Variants in GAS2L3 observed in about 807,000 individuals in gnomAD.
The protein encoded by GAS2L3 is GAS2-like protein 3.
A neutral mutation model predicts 37.0 loss-of-function variants in GAS2L3; 28 were observed. The ratio of observed to expected loss-of-function variants is 0.76; its 90% CI spans 0.56 to 1.04. The LOEUF (loss-of-function observed/expected upper bound fraction) is 1.04. Ranked by LOEUF, GAS2L3 falls within the 50% of genes least tolerant of loss-of-function variation. The pLI, the probability that GAS2L3 is intolerant of heterozygous loss-of-function variation, is 0.00. For synonymous variants in GAS2L3, 290 were observed against 296.6 expected, an observed-to-expected ratio of 0.98 and a Z score of 0.23; for missense variants, 793 against 817.6, an observed-to-expected ratio of 0.97 and a Z score of 0.37.
intron 4 of GAS2L3, among the ~76,000 whole-genome samples, chr12:100,600,795 A>G (rs1955978644): frequency 6.6e-6 from 1 of 152,210 alleles, no homozygotes; most frequent in Non-Finnish European, 1.5e-5. Context: ...TAAGCTTTGA[A>G]TAATGAACAT....
intron 3 of GAS2L3, 72 bp downstream of exon 3, chr12:100,594,994 AT>A (rs773246872): frequency 1.9e-5 from 13 of 676,584 alleles, no homozygotes; most frequent in Non-Finnish European, 3.1e-5. Context: ...ATTAGCAAAG[AT>A]AAAATTATCA....
intron 5 of GAS2L3, among the ~76,000 whole-genome samples, chr12:100,603,639 A>G (rs936804920): frequency 1.3e-5 from 2 of 151,976 alleles, no homozygotes; most frequent in African/African-American, 2.4e-5. Flanking sequence ...TTAACTTGAT[A>G]TGATCCTATT....
chr12:100,601,414 A>T (rs1955987488), intron 4 of GAS2L3, among the ~76,000 whole-genome samples: 1 of 152,084 alleles, frequency 6.6e-6, no homozygotes, highest in African/African-American at 2.4e-5. Flanking sequence ...AATAAAATCG[A>T]TGTCAGTTTT....
At chr12:100,607,321 T>C (rs1368347411) in intron 5 of GAS2L3, among the ~76,000 whole-genome samples, 5 of 152,194 alleles carry the variant, frequency 3.3e-5, no homozygotes, top group Non-Finnish European at 7.3e-5. Flanking sequence ...TGTATATTAT[T>C]TGTTTCTTTT....
intron 1 of GAS2L3, among the ~76,000 whole-genome samples, chr12:100,580,685 A>G (rs111260652): frequency 8.4e-4 from 128 of 152,332 alleles, no homozygotes; most frequent in African/African-American, 2.9e-3. Context: ...ATGCCTTTAA[A>G]CATTTATTAG....
intron 1 of GAS2L3, among the ~76,000 whole-genome samples, chr12:100,588,433 C>G (rs1272316275): frequency 6.6e-6 from 1 of 152,104 alleles, no homozygotes; most frequent in African/African-American, 2.4e-5. Flanking sequence ...AGATCACATG[C>G]TTCAAAGGGC....
chr12:100,605,058 A>G (rs765015794), intron 5 of GAS2L3, among the ~76,000 whole-genome samples: 3 of 151,846 alleles, frequency 2.0e-5, no homozygotes, highest in Non-Finnish European at 4.4e-5. Flanking sequence ...TGTTGTCTTC[A>G]TTTTTTGATA....
In GAS2L3 at chr12:100,623,583, A is replaced by G. The variant is rs1041114917; in HGVS notation, c.778A>G (p.Met260Val). 1.2e-6 allele frequency: 2 copies of G among 1,603,418 alleles called. No homozygotes were observed. The highest frequency in any genetic ancestry group is 1.1e-5 in the South Asian group (1 of 89,946). ...FIRMLHGKHV[M>V]VRVGGGWDTL... ...GCAGATGCTTCATGGAAAACATGTC[A>G]TGGTTCGCGTTGGTGGAGGCTGGGA... Residue 260 changes from methionine (M) to valine (V), a missense_variant, in exon 10 of 10, where the codon ATG (methionine) becomes GTG (valine). Physicochemically the swap from Met to Val is conservative, Grantham distance 21. Coordinates refer to ENST00000547754, the MANE Select transcript of GAS2L3 (RefSeq NM_174942.3).
At chr12:100,617,882 T>C (rs1003862960) in intron 7 of GAS2L3, 75 bp downstream of exon 7, 79 of 809,852 alleles carry the variant, frequency 9.8e-5, no homozygotes, top group Admixed American at 2.3e-4. Context: ...TTTAGAACAC[T>C]ATTTTCTATA....
rs529355468 is a variant in GAS2L3 at position 100,610,002 on chromosome 12, A to G, written c.304-1998A>G. On this transcript the variant is annotated intron_variant, in intron 5 of 9. Coordinates refer to ENST00000547754, the MANE Select transcript of GAS2L3 (RefSeq NM_174942.3). ...CTCAGTGATACGAAATTAAAACCAGATTGCTCATTTGATTTTTTATTCTTG... is the reference window on the plus strand; with the variant it reads ...CTCAGTGATACGAAATTAAAACCAGGTTGCTCATTTGATTTTTTATTCTTG... 4.6e-5 allele frequency among the ~76,000 whole-genome samples: 7 copies of G among 152,152 alleles called. No individual in the cohort carries two copies. The South Asian group carries it at 6.2e-4, about 13-fold the overall frequency.
In GAS2L3 at chr12:100,584,092, T is replaced by C. The variant is rs780330775; in HGVS notation, c.-151-7644T>C. Among the ~76,000 whole-genome samples, 27 of 152,234 alleles carry C rather than the reference T, an allele frequency of 1.8e-4. 1 individual carries two copies. Among genetic ancestry groups the C allele is most frequent in the Middle Eastern group, 3.4e-3 (1 of 292 alleles). ...CTCCTACAAAAACTGTTTCCTAAAC[T>C]CCAGGCTTGAATACTTCTATCAACT... On this transcript the variant is annotated intron_variant, in intron 1 of 9. Transcript: ENST00000547754.
At chr12:100,585,657 C>T (rs1169745731) in intron 1 of GAS2L3, among the ~76,000 whole-genome samples, 1 of 152,192 alleles carries the variant, frequency 6.6e-6, no homozygotes, top group African/African-American at 2.4e-5. Context: ...ATTCCCTAAG[C>T]CTGAAACAGT....
chr12:100,587,645 G>A (rs1345138500), intron 1 of GAS2L3, among the ~76,000 whole-genome samples: 1 of 152,224 alleles, frequency 6.6e-6, no homozygotes, highest in Non-Finnish European at 1.5e-5. Flanking sequence ...ATGGGGAAAA[G>A]TTGAAAGCAT....
intron 2 of GAS2L3, chr12:100,593,766 C>G (rs372769368): frequency 6.6e-6 from 1 of 152,000 alleles, no homozygotes; most frequent in East Asian, 1.9e-4. Flanking sequence ...TGAATTAGCT[C>G]GTGGGAAGCA....
intron 1 of GAS2L3, among the ~76,000 whole-genome samples, chr12:100,588,623 A>T (rs1316258159): frequency 6.6e-6 from 1 of 152,138 alleles, no homozygotes; most frequent in Non-Finnish European, 1.5e-5. Flanking sequence ...CAAATTTACC[A>T]GGGCGGAGTT....
intron 3 of GAS2L3, among the ~76,000 whole-genome samples, chr12:100,599,609 CTGT>C (rs1469567045): frequency 6.6e-6 from 1 of 152,180 alleles, no homozygotes; most frequent in Non-Finnish European, 1.5e-5. Flanking sequence ...AAAGATAACA[CTGT>C]TATTATGATT....
chr12:100,617,479 A>G (rs1175799437), intron 6 of GAS2L3, among the ~76,000 whole-genome samples: 1 of 152,152 alleles, frequency 6.6e-6, no homozygotes, highest in African/African-American at 2.4e-5. Flanking sequence ...CAATGTTACT[A>G]AGCCCTCAAT....
chr12:100,595,733 C>G (rs1955903638), intron 3 of GAS2L3, among the ~76,000 whole-genome samples: 1 of 151,960 alleles, frequency 6.6e-6, no homozygotes, highest in Non-Finnish European at 1.5e-5. Context: ...TGAGTCTCTG[C>G]TTCCTTACCT....
At chr12:100,590,319 C>A (rs540365796) in intron 1 of GAS2L3, among the ~76,000 whole-genome samples, 1 of 152,132 alleles carries the variant, frequency 6.6e-6, no homozygotes, top group Admixed American at 6.6e-5. Context: ...AGAAAAAATG[C>A]TCAGTATCAC....
Sources: gnomAD v4.1 joint callset for allele counts (sites outside exome capture counted in the v4.1 genomes callset) on GRCh38, gnomAD v4.1.1 for gene constraint, MANE v1.5 for transcripts, NCBI Gene and HGNC (gene_info 2026-07-23, HGNC 2026-07-21) for gene names.